The following CLYBL variants were observed in gnomAD, a reference collection of about 807,000 sequenced individuals.
CLYBL encodes the protein citramalyl-CoA lyase, also known as citramalyl-CoA lyase, mitochondrial.
A neutral mutation model predicts 38.9 loss-of-function variants in CLYBL; 31 were observed. That is an observed-to-expected ratio of 0.80 (90% CI 0.60 to 1.08). The LOEUF (loss-of-function observed/expected upper bound fraction) is 1.08, where lower values mean the gene tolerates loss of function less well. CLYBL is among the 50% of genes least tolerant of loss of function. The pLI is 0.00. For synonymous variants in CLYBL, 171 were observed against 158.6 expected, an observed-to-expected ratio of 1.08 and a Z score of -0.59; for missense variants, 434 against 411.6, an observed-to-expected ratio of 1.05 and a Z score of -0.47.
chr13:99,797,556 C>CTCTGTGTGTGTGTGTGTGTGTGTG lies in CLYBL; in HGVS notation c.249+24547_249+24548insCTGTGTGTGTGTGTGTGTGTGTGT, dbSNP rs775220789. Among the ~76,000 whole-genome samples, 22 of 37,514 alleles carry CTCTGTGTGTGTGTGTGTGTGTGTG rather than the reference C, an allele frequency of 5.9e-4. No individual in the cohort carries two copies. In the East Asian group the frequency reaches 0.01, roughly 17 times the overall value. The allele number at this position is 37,514 out of a possible 152,430, so 24.6% of individuals were successfully genotyped here. ...AAGATTTCTGTGTCTGCCATGTTAGCTGTTTGTGTGTGTGTGTGTGTGTGT... is the reference window on the plus strand; with the variant it reads ...AAGATTTCTGTGTCTGCCATGTTAGCTCTGTGTGTGTGTGTGTGTGTGTGTGTTTGTGTGTGTGTGTGTGTGTGT... On this transcript the variant is annotated intron_variant, in intron 2 of 8. Transcript: ENST00000339105.
chr13:99,831,489 A>G (rs1216035226), intron 2 of CLYBL, among the ~76,000 whole-genome samples: 2 of 152,116 alleles, frequency 1.3e-5, no homozygotes, highest in Non-Finnish European at 2.9e-5. Context: ...AGGTGCGGCA[A>G]ACCACCTTGG....
Position 99,858,941 on chromosome 13 carries a change from A to G in CLYBL, c.330A>G (p.Ser110=). The G allele has an allele frequency of 6.2e-7, 1 of 1,614,096 alleles. No homozygotes were observed. Among genetic ancestry groups the G allele is most frequent in the Non-Finnish European group, 8.5e-7 (1 of 1,179,964 alleles). The change falls in exon 3 of 9, where the codon TCA becomes TCG. Residue 110 remains serine (S), a synonymous_variant. Transcript: ENST00000339105. ...GPTEKCVRVN[S]VSSGLAEEDL... Reference sequence around the variant, plus strand: ...CTGAAAAATGTGTGAGAGTCAACTCAGTTTCCAGTGGTCTGGCGGAAGAAG... The same window carrying G: ...CTGAAAAATGTGTGAGAGTCAACTCGGTTTCCAGTGGTCTGGCGGAAGAAG...
chr13:99,818,446 A>AACACACAC (rs57249330), intron 2 of CLYBL, among the ~76,000 whole-genome samples: 3,986 of 143,274 alleles, frequency 0.028, 132 homozygotes, highest in African/African-American at 0.073. Context: ...TGGAGCAGAA[A>AACACACAC]ACACACACAC....
At chr13:99,696,818 C>T (rs1219463943) in intron 1 of CLYBL, among the ~76,000 whole-genome samples, 1 of 151,740 alleles carries the variant, frequency 6.6e-6, no homozygotes, top group African/African-American at 2.4e-5. Context: ...CAAAAAAAAC[C>T]CACACAAATT....
chr13:99,747,999 A>T (rs537686539), intron 1 of CLYBL, among the ~76,000 whole-genome samples: 1 of 152,300 alleles, frequency 6.6e-6, no homozygotes, highest in East Asian at 1.9e-4. Context: ...GTGGCGTTAA[A>T]TAGTACATTA....
chr13:99,897,945 A>AAAAAAAAG (rs1555326969), downstream of CLYBL, among the ~76,000 whole-genome samples: 499 of 151,924 alleles, frequency 3.3e-3, 3 homozygotes, highest in African/African-American at 0.011. Flanking sequence ...CGTCTCAAAA[A>AAAAAAAAG]AAAGAAAGAA....
At chr13:99,852,547 T>G (rs757948167) in intron 2 of CLYBL, among the ~76,000 whole-genome samples, 9 of 152,168 alleles carry the variant, frequency 5.9e-5, no homozygotes, top group Admixed American at 4.6e-4. Flanking sequence ...CTAAAAATAA[T>G]TTTCACCAAA....
intron 2 of CLYBL, among the ~76,000 whole-genome samples, chr13:99,773,878 G>A (rs1594173696): frequency 6.6e-6 from 1 of 152,170 alleles, no homozygotes; most frequent in Non-Finnish European, 1.5e-5. Flanking sequence ...TTAGTGGTTG[G>A]CTGTAGCTTC....
At chr13:99,903,806 CCTTA>C (rs1487311130) in intron 8 of CLYBL, among the ~76,000 whole-genome samples, 3 of 152,266 alleles carry the variant, frequency 2.0e-5, no homozygotes, top group Admixed American at 2.0e-4. Context: ...AATCTGATTT[CCTTA>C]CTTACTTTTG....
intron 7 of CLYBL, among the ~76,000 whole-genome samples, chr13:99,875,369 T>A (rs4772249): frequency 0.21 from 31,631 of 152,164 alleles, 4,049 homozygotes; most frequent in East Asian, 0.4. Flanking sequence ...TTTTTCCTTA[T>A]GTAAGTCTCT....
chr13:99,899,992 T>C (rs529455227), downstream of CLYBL, among the ~76,000 whole-genome samples: 25 of 152,256 alleles, frequency 1.6e-4, no homozygotes, highest in African/African-American at 5.8e-4. Flanking sequence ...AGTGGTGAGA[T>C]ATTGGCTCAC....
At chr13:99,632,249 C>G (rs2046956523) in intron 1 of CLYBL, among the ~76,000 whole-genome samples, 1 of 152,132 alleles carries the variant, frequency 6.6e-6, no homozygotes, top group Non-Finnish European at 1.5e-5. Flanking sequence ...TGTCTGCAAA[C>G]CTGGTGAAAA....
At chr13:99,880,066 A>ATTTTTTTT (rs1283526295) in intron 7 of CLYBL, among the ~76,000 whole-genome samples, 1 of 60,768 alleles carries the variant, frequency 1.6e-5, no homozygotes, top group African/African-American at 5.4e-5. Context: ...ATATATATAT[A>ATTTTTTTT]TATTTTTTTT....
intron 6 of CLYBL, among the ~76,000 whole-genome samples, chr13:99,870,280 A>G (rs1292453986): frequency 1.3e-5 from 2 of 152,150 alleles, no homozygotes; most frequent in African/African-American, 2.4e-5. Flanking sequence ...CAGTGTTCAA[A>G]TCTGCCTTCT....
At chr13:99,665,152 T>C (rs9585171) in intron 1 of CLYBL, among the ~76,000 whole-genome samples, 81,455 of 151,206 alleles carry the variant, frequency 0.54, 22,234 homozygotes, top group Middle Eastern at 0.64. Flanking sequence ...AAAGATTAAG[T>C]GGCATAAGTA....
At chr13:99,708,429 A>G (rs1053745979) in intron 1 of CLYBL, among the ~76,000 whole-genome samples, 1 of 152,228 alleles carries the variant, frequency 6.6e-6, no homozygotes, top group African/African-American at 2.4e-5. Flanking sequence ...TGTTAAAAAG[A>G]TACCTGAATG....
At chr13:99,887,353 C>G (rs1399215294) in intron 7 of CLYBL, among the ~76,000 whole-genome samples, 1 of 152,174 alleles carries the variant, frequency 6.6e-6, no homozygotes, top group Non-Finnish European at 1.5e-5. Context: ...AGCTTTATCC[C>G]TGTTCTATTA....
intron 1 of CLYBL, among the ~76,000 whole-genome samples, chr13:99,625,816 C>G (rs1785418079): frequency 6.6e-6 from 1 of 152,164 alleles, no homozygotes. Context: ...GCTCTGAGTC[C>G]CAGGCTCCGA....
chr13:99,794,052 C>G lies in CLYBL; in HGVS notation c.249+21042C>G, dbSNP rs925138246. Among the ~76,000 whole-genome samples, 3 of 152,122 alleles carry G rather than the reference C, an allele frequency of 2.0e-5. No individual in the cohort carries two copies. The East Asian group carries it at 5.8e-4, about 29-fold the overall frequency. On this transcript the variant is annotated intron_variant, in intron 2 of 8. Coordinates refer to ENST00000339105, the MANE Select transcript of CLYBL (RefSeq NM_206808.5). ...ATATAGCTACTAATTAAAATCTCTC[C>G]GTTGGACCAGGACCACAGGTGATTT... is the stretch of plus-strand genomic sequence containing the variant.
Sources: allele counts gnomAD v4.1 joint callset (sites outside exome capture counted in the v4.1 genomes callset), GRCh38; gene constraint gnomAD v4.1.1; transcripts MANE v1.5; gene names NCBI Gene and HGNC (gene_info 2026-07-23, HGNC 2026-07-21).